Variants in EHD3 observed in about 807,000 individuals in gnomAD.
EHD3 encodes EH domain-containing protein 3.
A neutral mutation model predicts 43.0 loss-of-function variants in EHD3; 17 were observed. That is an observed-to-expected ratio of 0.40 (90% CI 0.27 to 0.59). EHD3 has a LOEUF of 0.59. EHD3 is among the 20% of genes least tolerant of loss of function. The pLI, the probability that EHD3 is intolerant of heterozygous loss-of-function variation, is 0.49. For missense variants in EHD3, 594 were observed against 705.6 expected (o/e 0.84, Z 1.79); for synonymous variants, 313 against 289.5 (o/e 1.08, Z -0.82).
chr2:31,266,532 G>C lies in EHD3; in HGVS notation c.1436G>C (p.Ser479Thr), dbSNP rs145066486. 8 of 1,614,056 alleles carry C rather than the reference G, an allele frequency of 5.0e-6. No individual in the cohort carries two copies. In the African/African-American group the frequency reaches 6.7e-5, roughly 13 times the overall value. Residue 479 changes from serine (S) to threonine (T), a missense_variant, in exon 6 of 6, where the codon AGT becomes ACT. Ser to Thr is a moderately conservative substitution (Grantham distance 58). Around this residue, in one of 3 missense-constraint regions of EHD3, gnomAD observed 322 missense variants for 348.0 expected, o/e 0.93. Coordinates refer to ENST00000322054, the MANE Select transcript of EHD3 (RefSeq NM_014600.3). This position sits in a 1 kb window ranked among gnomAD's most constrained non-coding sequence, Gnocchi z 5.1. ...ATGGTGCGCTCCAAGCTGCCCAACA[G>C]TGTGCTGGGCAAGATCTGGAAGCTG... Reference protein sequence around the residue: ...KEMVRSKLPNSVLGKIWKLAD... With the variant: ...KEMVRSKLPNTVLGKIWKLAD...
At chr2:31,240,568 G>C (rs1274625205) in intron 1 of EHD3, among the ~76,000 whole-genome samples, 1 of 152,120 alleles carries the variant, frequency 6.6e-6, no homozygotes, top group Non-Finnish European at 1.5e-5. Flanking sequence ...GCAAGTTTTG[G>C]GTCATGTGGG....
chr2:31,238,387 A>G (rs1262753469), intron 1 of EHD3, among the ~76,000 whole-genome samples: 1 of 152,238 alleles, frequency 6.6e-6, no homozygotes, highest in East Asian at 1.9e-4. Flanking sequence ...TTTCAGTAAT[A>G]TGTGCTTGCC....
rs891385302 is a variant in EHD3 at position 31,268,620 on chromosome 2, T to C, written c.*1916T>C. 2 of 152,230 alleles carry C rather than the reference T, an allele frequency of 1.3e-5. No individual in the cohort carries two copies. Among genetic ancestry groups the C allele is most frequent in the African/African-American group, 4.8e-5 (2 of 41,454 alleles). The allele number at this position is 152,230 out of a possible 1,614,324, so 9.4% of individuals were successfully genotyped here. A position where few individuals can be genotyped will look rare whatever the true frequency, so the allele number is the denominator to read the frequency against. ...CCCTGCTCCTCTGGAGTGAAGATGT[T>C]CCCTAAGCCCCTGGGCTTCCTTCTG... On this transcript the variant is annotated 3_prime_UTR_variant, in exon 6 of 6. Coordinates refer to ENST00000322054, the MANE Select transcript of EHD3 (RefSeq NM_014600.3).
At chr2:31,253,161 C>T (rs1156609925) in intron 3 of EHD3, among the ~76,000 whole-genome samples, 3 of 149,628 alleles carry the variant, frequency 2.0e-5, no homozygotes, top group African/African-American at 7.4e-5. Context: ...CGCACACACC[C>T]ACTCCCACAC....
rs142028621 is a variant in EHD3, at chr2:31,238,088, A to T, written c.227+3240A>T. On this transcript the variant is annotated intron_variant, in intron 1 of 5. Coordinates refer to ENST00000322054, the MANE Select transcript of EHD3 (RefSeq NM_014600.3). ...CAGGGTTTTGTTTAAAATATTTTTT[A>T]ACTTTAAAATTTTTGTACTAAGAGT... Among the ~76,000 whole-genome samples, 446 of 152,192 alleles carry T rather than the reference A, an allele frequency of 2.9e-3. 2 individuals carry two copies. Among genetic ancestry groups the T allele is most frequent in the African/African-American group, 0.01 (416 of 41,528 alleles).
Position 31,240,861 on chromosome 2 carries a change from A to G in EHD3, c.228-3413A>G, listed in dbSNP as rs145245145. On this transcript the variant is annotated intron_variant, in intron 1 of 5. Coordinates refer to ENST00000322054, the MANE Select transcript of EHD3 (RefSeq NM_014600.3). The stretch of plus-strand genomic sequence containing the variant: ...GCCTTTGATGATCCCTACTTCCCGC[A>G]ATCCACTGTTGCTGCTCCCTTGCAG... Among the ~76,000 whole-genome samples, 771 of 152,240 alleles carry G rather than the reference A, an allele frequency of 5.1e-3. 8 individuals carry two copies. Among genetic ancestry groups the G allele is most frequent in the African/African-American group, 0.018 (737 of 41,548 alleles).
chr2:31,243,442 TTC>T (rs1163278308), intron 1 of EHD3, among the ~76,000 whole-genome samples: 1 of 95,218 alleles, frequency 1.1e-5, no homozygotes, highest in Non-Finnish European at 1.9e-5. Flanking sequence ...CTTTCTTTCT[TTC>T]TTTCTTTCTT....
At chr2:31,243,888 T>A (rs909227900) in intron 1 of EHD3, among the ~76,000 whole-genome samples, 18 of 152,212 alleles carry the variant, frequency 1.2e-4, no homozygotes, top group Admixed American at 4.6e-4. Flanking sequence ...AAGGTTTAGT[T>A]CTAACCATGC....
At chr2:31,257,269 T>TGCCATGC (rs1683768695) in intron 3 of EHD3, among the ~76,000 whole-genome samples, 1 of 152,160 alleles carries the variant, frequency 6.6e-6, no homozygotes, top group Admixed American at 6.5e-5. Context: ...ACAGCAGCCT[T>TGCCATGC]GCCATGCGCT....
chr2:31,247,509 C>G (rs1683550250), intron 2 of EHD3, among the ~76,000 whole-genome samples: 1 of 152,124 alleles, frequency 6.6e-6, no homozygotes, highest in Non-Finnish European at 1.5e-5. Flanking sequence ...CCTGCATTTC[C>G]AGAGTGACTT....
chr2:31,249,489 G>T (rs975037381), intron 3 of EHD3, 21 bp downstream of exon 3: 4 of 1,609,918 alleles, frequency 2.5e-6, no homozygotes, highest in Non-Finnish European at 3.4e-6. Flanking sequence ...TGCCTGAGGG[G>T]TGTTGGCTGT....
chr2:31,250,316 G>T (rs940522034), intron 3 of EHD3, among the ~76,000 whole-genome samples: 1 of 149,548 alleles, frequency 6.7e-6, no homozygotes, highest in Non-Finnish European at 1.5e-5. Context: ...TGCCAGGCTG[G>T]AGTGCAGTGG....
intron 1 of EHD3, among the ~76,000 whole-genome samples, chr2:31,236,896 C>T (rs1469290549): frequency 6.6e-6 from 1 of 152,208 alleles, no homozygotes; most frequent in African/African-American, 2.4e-5. Flanking sequence ...CCTAAGTCAT[C>T]ACTGGCTGTT....
chr2:31,247,251 A>AAC (rs1346043942), intron 2 of EHD3, among the ~76,000 whole-genome samples: 13 of 152,230 alleles, frequency 8.5e-5, no homozygotes, highest in Non-Finnish European at 4.4e-5. Context: ...AGAGAAGAGG[A>AAC]ACACCTTCCT....
intron 3 of EHD3, among the ~76,000 whole-genome samples, chr2:31,256,453 G>A (rs968416166): frequency 6.6e-6 from 1 of 152,186 alleles, no homozygotes; most frequent in Admixed American, 6.5e-5. Context: ...CTTCCGTTCA[G>A]CAAATACTGA....
At chr2:31,243,448 C>A (rs907062465) in intron 1 of EHD3, among the ~76,000 whole-genome samples, 3 of 67,066 alleles carry the variant, frequency 4.5e-5, no homozygotes, top group East Asian at 8.1e-4. Context: ...TTCTTTCTTT[C>A]TTTCTTTCTT....
rs1310045883 is a variant in EHD3 at position 31,243,448 on chromosome 2, C to CTTTTTTTTTTTTTTTTTTTTTTTTT, written c.228-823_228-822insTTTTTTTTTTTTTTTTTTTTTTTTT. 3.0e-5 allele frequency among the ~76,000 whole-genome samples: 2 copies of CTTTTTTTTTTTTTTTTTTTTTTTTT among 67,008 alleles called. 1 individual carries two copies. The allele number at this position is 67,008 out of a possible 152,430, so 44.0% of individuals were successfully genotyped here. Reference sequence around the variant, plus strand: ...TCTTTCTTTCTTTCTTTCTTTCTTTCTTTCTTTCTTTCTTTTTTTTTTTTT... The same window carrying CTTTTTTTTTTTTTTTTTTTTTTTTT: ...TCTTTCTTTCTTTCTTTCTTTCTTTCTTTTTTTTTTTTTTTTTTTTTTTTTTTTCTTTCTTTCTTTTTTTTTTTTT... On this transcript the variant is annotated intron_variant, in intron 1 of 5. Transcript: ENST00000322054.
rs919193546 is a variant in EHD3 at position 31,234,195 on chromosome 2, C to G, written c.-427C>G. The G allele has an allele frequency of 4.4e-6, 1 of 224,730 alleles. No homozygotes were observed. The highest frequency in any genetic ancestry group is 2.4e-5 in the African/African-American group (1 of 41,840). 13.9% of individuals were successfully genotyped at this position (224,730 alleles called of 1,614,324 possible). On this transcript the variant is annotated 5_prime_UTR_variant, in exon 1 of 6. Transcript: ENST00000322054. Reference sequence around the variant, plus strand: ...CTGTCCGCGGGCTGGGCAGCGTCGCCGTCTCCCCTGAGCCGCCTCGGTCCG... The same window carrying G: ...CTGTCCGCGGGCTGGGCAGCGTCGCGGTCTCCCCTGAGCCGCCTCGGTCCG...
chr2:31,239,576 C>A (rs777208986), intron 1 of EHD3, among the ~76,000 whole-genome samples: 1 of 152,186 alleles, frequency 6.6e-6, no homozygotes, highest in African/African-American at 2.4e-5. Flanking sequence ...GACAGTGGGA[C>A]GAAGGCCATG....
Sources: allele counts gnomAD v4.1 joint callset (sites outside exome capture counted in the v4.1 genomes callset), GRCh38; gene constraint gnomAD v4.1.1; regional missense constraint gnomAD v4.1.1; non-coding constraint Gnocchi (gnomAD v3.1); transcripts MANE v1.5; gene names NCBI Gene and HGNC (gene_info 2026-07-23, HGNC 2026-07-21).